Variants in RPS6KA2 observed in about 807,000 individuals in gnomAD.
The protein encoded by RPS6KA2 is ribosomal protein S6 kinase A2.
A neutral mutation model predicts 91.8 loss-of-function variants in RPS6KA2; 42 were observed. The observed-to-expected ratio is 0.46, with a 90% CI of 0.36 to 0.59. RPS6KA2 has a LOEUF of 0.59. RPS6KA2 is among the 20% of genes least tolerant of loss of function. The pLI, the probability that RPS6KA2 is intolerant of heterozygous loss-of-function variation, is 0.00. For missense variants in RPS6KA2, 798 were observed against 978.5 expected (o/e 0.82, Z 2.46); for synonymous variants, 414 against 393.6 (o/e 1.05, Z -0.61).
At chr6:166,611,859 G>A (rs923652965) in intron 1 of RPS6KA2, among the ~76,000 whole-genome samples, 1 of 152,134 alleles carries the variant, frequency 6.6e-6, no homozygotes, top group Admixed American at 6.5e-5. Flanking sequence ...TGACCATCTT[G>A]GGCCACATTC....
At chr6:166,517,455 G>GTTTTCTTTTTTTTTTTTTT (rs1562550744) in intron 3 of RPS6KA2, among the ~76,000 whole-genome samples, 1 of 104,970 alleles carries the variant, frequency 9.5e-6, no homozygotes, top group African/African-American at 4.4e-5. Flanking sequence ...CTTTTGTTTT[G>GTTTTCTTTTTTTTTTTTTT]TTTTTTTTTT....
At chr6:166,464,519 G>A (rs973577673) in intron 11 of RPS6KA2, among the ~76,000 whole-genome samples, 1 of 152,202 alleles carries the variant, frequency 6.6e-6, no homozygotes, top group Non-Finnish European at 1.5e-5. Flanking sequence ...GTGACTGTGT[G>A]TCTCCAGCAT....
At chr6:166,610,332 T>C (rs746347360) in intron 1 of RPS6KA2, among the ~76,000 whole-genome samples, 1 of 152,158 alleles carries the variant, frequency 6.6e-6, no homozygotes, top group East Asian at 1.9e-4. Context: ...CCCACCAACA[T>C]AGGCCTTGGC....
chr6:166,593,266 A>G (rs1376695139), intron 1 of RPS6KA2, among the ~76,000 whole-genome samples: 4 of 152,368 alleles, frequency 2.6e-5, no homozygotes, highest in Non-Finnish European at 4.4e-5. Flanking sequence ...AGAACAGAAT[A>G]CAACAGAACA....
intron 11 of RPS6KA2, among the ~76,000 whole-genome samples, chr6:166,468,148 G>A (rs1167659986): frequency 6.6e-6 from 1 of 152,228 alleles, no homozygotes; most frequent in African/African-American, 2.4e-5. Flanking sequence ...ACGCAGAGTC[G>A]AATGACAGTG....
Position 166,490,609 on chromosome 6 carries a change from G to A in RPS6KA2, c.818+62C>T. ...AAACTTCACAGTTCCAGGTTCAGAG[G>A]CAGCAGCTCTTGATATCAGAAGGTG... On this transcript the variant is annotated intron_variant, in intron 9 of 20. Coordinates refer to ENST00000265678, the MANE Select transcript of RPS6KA2 (RefSeq NM_021135.6). This position sits in a 1 kb window ranked among gnomAD's most constrained non-coding sequence, Gnocchi z 4.2. 1 of 1,090,704 alleles carries A rather than the reference G, an allele frequency of 9.2e-7. No individual in the cohort carries two copies. Among genetic ancestry groups the A allele is most frequent in the Non-Finnish European group, 1.4e-6 (1 of 721,678 alleles). The allele number at this position is 1,090,704 out of a possible 1,614,324, so 67.6% of individuals were successfully genotyped here.
chr6:166,668,275 G>A (rs910546598), intron 2 of RPS6KA2, among the ~76,000 whole-genome samples: 7 of 152,138 alleles, frequency 4.6e-5, no homozygotes, highest in East Asian at 1.9e-4. Context: ...GCCCACCCTC[G>A]TTCCTTCCCT....
chr6:166,430,726 C>A, intron 15 of RPS6KA2, 115 bp from the exon 16 acceptor site: 1 of 1,052,636 alleles, frequency 9.5e-7, no homozygotes, highest in Non-Finnish European at 1.3e-6. Context: ...ACCACAGGGT[C>A]CTATGGGAGT....
In RPS6KA2 at chr6:166,839,684, A is replaced by AGGGGAGGGGAGGGGACGGGAGGG. The variant is rs1360878613; in HGVS notation, c.123+18515_123+18516insCCCTCCCGTCCCCTCCCCTCCCC. Among the ~76,000 whole-genome samples the AGGGGAGGGGAGGGGACGGGAGGG allele has an allele frequency of 5.0e-4, 12 of 23,856 alleles. 4 individuals are homozygous for AGGGGAGGGGAGGGGACGGGAGGG. Among genetic ancestry groups the AGGGGAGGGGAGGGGACGGGAGGG allele is most frequent in the African/African-American group, 1.7e-3 (10 of 5,836 alleles). The allele number at this position is 23,856 out of a possible 152,430, so 15.7% of individuals were successfully genotyped here. A position where few individuals can be genotyped will look rare whatever the true frequency, so the allele number is the denominator to read the frequency against. On this transcript the variant is annotated intron_variant, in intron 2 of 21. Transcript: ENST00000503859. ...AGAGGGAGGTGGAAATCAGAGCAGG[A>AGGGGAGGGGAGGGGACGGGAGGG]GAGGAGAGGGGAGGAGAGGAGAGGA...
chr6:166,579,424 A>G (rs901085214), intron 1 of RPS6KA2, among the ~76,000 whole-genome samples: 2 of 152,102 alleles, frequency 1.3e-5, no homozygotes, highest in Non-Finnish European at 2.9e-5. Flanking sequence ...AAATGTATGC[A>G]AGAATGTCAT....
rs138408310 is a variant in RPS6KA2, at chr6:166,658,368, C to T, written c.124-119584G>A. Among the ~76,000 whole-genome samples the T allele has an allele frequency of 2.8e-3, 427 of 152,294 alleles. 3 individuals carry two copies. Among genetic ancestry groups the T allele is most frequent in the African/African-American group, 9.7e-3 (401 of 41,552 alleles). ...TGTACGCAGAGATCACAAGGCTTCC[C>T]GAGCCAAACCCTTCAGGATCTCACA... On this transcript the variant is annotated intron_variant, in intron 2 of 21. Coordinates refer to the RPS6KA2 transcript ENST00000503859.
In RPS6KA2 at chr6:166,538,783, T is replaced by A. The variant is rs1783562088; in HGVS notation, c.101A>T (p.Glu34Val). The change falls in exon 2 of 21, where the codon GAA becomes GTA. Residue 34 changes from glutamate (E) to valine (V), a missense_variant and splice_region_variant. Physicochemically the swap from Glu to Val is moderately radical, Grantham distance 121. Transcript: ENST00000265678. ...SKSSSLSRLE[E>V]EGVVKEIDIS... ...GTCTATCTCCTTCACGACGCCTTCT[T>A]CCTGCAAGAGAGCGGCACGGGTGAG... 3.2e-6 allele frequency: 5 copies of A among 1,539,242 alleles called. No individual in the cohort carries two copies. In the African/African-American group the frequency reaches 6.8e-5, roughly 21 times the overall value.
At chr6:166,851,581 G>A (rs1780744842) in intron 2 of RPS6KA2, among the ~76,000 whole-genome samples, 1 of 152,230 alleles carries the variant, frequency 6.6e-6, no homozygotes, top group Non-Finnish European at 1.5e-5. Context: ...TGAGGAGCCA[G>A]CGGTGAGTGC....
intron 2 of RPS6KA2, among the ~76,000 whole-genome samples, chr6:166,839,712 G>GGA (rs1391676631): frequency 7.5e-6 from 1 of 132,472 alleles, no homozygotes; most frequent in East Asian, 2.4e-4. Flanking sequence ...GGAGAGGAGA[G>GGA]GAGAGGCGGC....
intron 2 of RPS6KA2, among the ~76,000 whole-genome samples, chr6:166,729,149 G>A (rs989239174): frequency 6.6e-6 from 1 of 152,156 alleles, no homozygotes; most frequent in African/African-American, 2.4e-5. Flanking sequence ...TAGGCAGAGC[G>A]TGAAACAAGA....
intron 1 of RPS6KA2, among the ~76,000 whole-genome samples, chr6:166,551,012 G>A (rs200280797): frequency 0.055 from 4,558 of 82,292 alleles, 14 homozygotes; most frequent in East Asian, 0.097. Flanking sequence ...AAAAAAAAAA[G>A]AACGTGAAAT....
At chr6:166,854,401 C>T (rs6456131) in intron 2 of RPS6KA2, among the ~76,000 whole-genome samples, 2,100 of 152,318 alleles carry the variant, frequency 0.014, 47 homozygotes, top group African/African-American at 0.047. Context: ...GTCTACTCCA[C>T]GAAACTCATA....
intron 2 of RPS6KA2, among the ~76,000 whole-genome samples, chr6:166,676,564 T>C (rs1290821988): frequency 2.0e-5 from 3 of 152,198 alleles, no homozygotes; most frequent in African/African-American, 4.8e-5. Context: ...CTAATCTCCA[T>C]GTAGAACTTG....
chr6:166,777,533 A>T (rs115700622), intron 2 of RPS6KA2, among the ~76,000 whole-genome samples: 1,681 of 152,352 alleles, frequency 0.011, 28 homozygotes, highest in African/African-American at 0.035. Flanking sequence ...AAAGGCAAAA[A>T]TGGAGCCAAG....
Sources: allele counts gnomAD v4.1 joint callset (sites outside exome capture counted in the v4.1 genomes callset), GRCh38; gene constraint gnomAD v4.1.1; non-coding constraint Gnocchi (gnomAD v3.1); transcripts MANE v1.5; gene names NCBI Gene and HGNC (gene_info 2026-07-23, HGNC 2026-07-21).